The following TRAFD1 variants were observed in gnomAD, a reference collection of about 807,000 sequenced individuals.
TRAFD1 encodes TRAF-type zinc finger domain-containing protein 1.
TRAFD1 carries 38 observed loss-of-function variants against 65.3 expected under a neutral mutation model. The observed-to-expected ratio is 0.58, with a 90% CI of 0.45 to 0.76. The LOEUF is 0.76. Among genes scored for constraint, TRAFD1 ranks in the 30% least tolerant of loss-of-function variants. The pLI is 0.00. For missense variants in TRAFD1, 631 were observed against 712.6 expected (o/e 0.89, Z 1.30); for synonymous variants, 223 against 257.2 (o/e 0.87, Z 1.27).
chr12:112,138,160 G>A (rs762560969), intron 4 of TRAFD1, among the ~76,000 whole-genome samples: 1 of 152,046 alleles, frequency 6.6e-6, no homozygotes, highest in Non-Finnish European at 1.5e-5. Context: ...GATATTGTTT[G>A]AGCCTGGAGG....
chr12:112,151,701 C>T, intron 9 of TRAFD1, 100 bp from the exon 10 acceptor site: 1 of 1,194,244 alleles, frequency 8.4e-7, no homozygotes, highest in Non-Finnish European at 1.2e-6. Context: ...CCTGGCTGAG[C>T]AGTTGTCTTC....
intron 9 of TRAFD1, among the ~76,000 whole-genome samples, chr12:112,151,128 C>T (rs960019284): frequency 2.0e-5 from 3 of 151,218 alleles, no homozygotes; most frequent in African/African-American, 4.9e-5. Context: ...GTCCCAGCTA[C>T]TTGGGAGGCT....
intron 2 of TRAFD1, chr12:112,133,082 T>C (rs926956139): frequency 6.6e-6 from 1 of 152,208 alleles, no homozygotes; most frequent in African/African-American, 2.4e-5. Context: ...TCTTTTCATG[T>C]TTAAATGGTC....
chr12:112,153,556 T>TAA lies in TRAFD1; in HGVS notation c.*766_*767dup, dbSNP rs1221391855. On this transcript the variant is annotated 3_prime_UTR_variant, in exon 12 of 12. Coordinates refer to ENST00000412615, the MANE Select transcript of TRAFD1 (RefSeq NM_006700.3). ...CCTTGTTTTTATTTTACTGTTATAA[T>TAA]AATTATTAACTTCCTTGTAATAGAA... 6.6e-6 allele frequency: 1 copy of TAA among 152,256 alleles called. No homozygotes were observed. The highest frequency in any genetic ancestry group is 1.5e-5 in the Non-Finnish European group (1 of 68,056). The allele number at this position is 152,256 out of a possible 1,614,324, so 9.4% of individuals were successfully genotyped here.
chr12:112,151,014 C>T (rs1566052072), intron 9 of TRAFD1, among the ~76,000 whole-genome samples: 2 of 151,948 alleles, frequency 1.3e-5, no homozygotes, highest in African/African-American at 4.8e-5. Context: ...CTGAGGTGGG[C>T]GGATCACAAG....
intron 7 of TRAFD1, among the ~76,000 whole-genome samples, chr12:112,145,968 A>G (rs1050631833): frequency 2.8e-5 from 4 of 141,722 alleles, no homozygotes; most frequent in Non-Finnish European, 6.1e-5. Flanking sequence ...CAACTGAACA[A>G]TGAGAACACA....
At position 112,145,613 on chromosome 12, in the gene TRAFD1, G is replaced by C; in HGVS notation, c.878G>C (p.Cys293Ser). The change falls in exon 7 of 12, where the codon TGT (cysteine) becomes TCT (serine). Residue 293 changes from cysteine to serine, a missense_variant. Transcript: ENST00000412615. The part of the protein sequence containing the change: ...KGAADEIMLP[C>S]EFCEELYPEE... Reference sequence around the variant, plus strand: ...GCAGCTGACGAGATCATGTTGCCTTGTGAATTTTGTGAGGAGCTCTACCCA... The same window carrying C: ...GCAGCTGACGAGATCATGTTGCCTTCTGAATTTTGTGAGGAGCTCTACCCA... 5.0e-6 allele frequency: 8 copies of C among 1,614,142 alleles called. No homozygotes were observed. Among genetic ancestry groups the C allele is most frequent in the Non-Finnish European group, 6.8e-6 (8 of 1,180,016 alleles).
chr12:112,133,242 A>T (rs1054970688), intron 2 of TRAFD1: 1 of 152,218 alleles, frequency 6.6e-6, no homozygotes, highest in South Asian at 2.1e-4. Flanking sequence ...ATTTTTGTAC[A>T]GCTTTACAGT....
intron 2 of TRAFD1, 89 bp from the exon 3 acceptor site, chr12:112,134,649 C>A: frequency 6.9e-7 from 1 of 1,444,318 alleles, no homozygotes; most frequent in East Asian, 2.3e-5. Flanking sequence ...AAAGATTGGA[C>A]AGGACAGATT....
Position 112,148,212 on chromosome 12 carries a change from C to T in TRAFD1, c.1066C>T (p.Leu356=). The change falls in exon 8 of 12, where the codon CTG becomes TTG. Residue 356 remains leucine (L), a synonymous_variant. Transcript: ENST00000412615. The stretch of plus-strand genomic sequence containing the variant: ...TAACCAGTTAGACTCTTTGATGGGC[C>T]TGAGCAATTCACACCCTGTGGAGGA... ...ASNQLDSLMG[L]SNSHPVEESI... The T allele has an allele frequency of 6.2e-7, 1 of 1,614,130 alleles. No homozygotes were observed.
chr12:112,129,693 A>C (rs1302101068), intron 1 of TRAFD1, among the ~76,000 whole-genome samples: 1 of 151,922 alleles, frequency 6.6e-6, no homozygotes, highest in African/African-American at 2.4e-5. Flanking sequence ...GCTAGGGTGG[A>C]GTGCAGTGGC....
At chr12:112,142,044 A>G in intron 5 of TRAFD1, 45 bp from the exon 6 acceptor site, 1 of 1,594,906 alleles carries the variant, frequency 6.3e-7, no homozygotes, top group Non-Finnish European at 8.6e-7. Flanking sequence ...GAGGGTGGTA[A>G]CATTTCTAAT....
chr12:112,134,177 A>AT (rs2079582013), intron 2 of TRAFD1, among the ~76,000 whole-genome samples: 1 of 146,750 alleles, frequency 6.8e-6, no homozygotes, highest in African/African-American at 2.5e-5. Flanking sequence ...CACCTGGCTA[A>AT]TTTTGTATTT....
Position 112,152,110 on chromosome 12 carries a change from C to T in TRAFD1, c.1589C>T (p.Ser530Phe), listed in dbSNP as rs2136983840. 3.1e-6 allele frequency: 5 copies of T among 1,613,504 alleles called. No individual in the cohort carries two copies. Among genetic ancestry groups the T allele is most frequent in the Non-Finnish European group, 4.2e-6 (5 of 1,179,534 alleles). The change falls in exon 10 of 12, where the codon TCC (serine) becomes TTC (phenylalanine). Residue 530 changes from serine (S) to phenylalanine (F), a missense_variant. Coordinates refer to ENST00000412615, the MANE Select transcript of TRAFD1 (RefSeq NM_006700.3). This position sits in a 1 kb window ranked among gnomAD's most constrained non-coding sequence, Gnocchi z 5.0. The part of the protein sequence containing the change: ...LYPENIVPSF[S>F]PGPSGRYGAS... ...CCAGAAAACATTGTGCCCTCTTTCTCCCCTGGGCCTTCAGGGAGATACGGA... is the reference window on the plus strand; with the variant it reads ...CCAGAAAACATTGTGCCCTCTTTCTTCCCTGGGCCTTCAGGGAGATACGGA...
chr12:112,141,303 T>C (rs1437931087), intron 5 of TRAFD1, 79 bp downstream of exon 5: 4 of 1,516,526 alleles, frequency 2.6e-6, no homozygotes, highest in Non-Finnish European at 8.9e-7. Flanking sequence ...TGGGGCCAGA[T>C]AGATCTTGAT....
intron 4 of TRAFD1, among the ~76,000 whole-genome samples, chr12:112,135,282 ATC>A (rs2079592407): frequency 2.0e-5 from 3 of 152,158 alleles, no homozygotes; most frequent in Admixed American, 2.0e-4. Flanking sequence ...CTCGCGAAGT[ATC>A]TCCCTTTGGA....
rs12231737 is a variant in TRAFD1, at chr12:112,136,812, C to T, written c.237+1746C>T. Among the ~76,000 whole-genome samples, 1,227 of 152,248 alleles carry T rather than the reference C, an allele frequency of 8.1e-3. 143 individuals are homozygous for T. The East Asian group carries it at 0.23, about 29-fold the overall frequency. On this transcript the variant is annotated intron_variant, in intron 4 of 11. Transcript: ENST00000412615. ...CTTGTTATGTTGCCCAGGCTAGTCT[C>T]GAACTCTTGGCCTCAAGTGATCCTC...
chr12:112,145,446 A>G, intron 6 of TRAFD1, 140 bp from the exon 7 acceptor site: 3 of 765,800 alleles, frequency 3.9e-6, no homozygotes, highest in Non-Finnish European at 6.3e-6. Flanking sequence ...CTCTGAGAAT[A>G]TACAGCCCCA....
intron 7 of TRAFD1, among the ~76,000 whole-genome samples, chr12:112,147,277 G>A (rs912076054): frequency 1.3e-5 from 2 of 152,034 alleles, no homozygotes; most frequent in African/African-American, 4.8e-5. Flanking sequence ...GATTACAGGC[G>A]TGAGCCTCCA....
Sources: allele counts gnomAD v4.1 joint callset (sites outside exome capture counted in the v4.1 genomes callset), GRCh38; gene constraint gnomAD v4.1.1; non-coding constraint Gnocchi (gnomAD v3.1); transcripts MANE v1.5; gene names NCBI Gene and HGNC (gene_info 2026-07-23, HGNC 2026-07-21).